CALN1: variants seen among roughly 807,000 people sequenced by gnomAD.
The protein encoded by CALN1 is calneuron 1, also known as calcium-binding protein 8.
A neutral mutation model predicts 30.6 loss-of-function variants in CALN1; 17 were observed. The ratio of observed to expected loss-of-function variants is 0.56; its 90% CI spans 0.38 to 0.83. CALN1 has a LOEUF of 0.83. Among genes scored for constraint, CALN1 ranks in the 40% least tolerant of loss-of-function variants. The pLI, the probability that CALN1 is intolerant of heterozygous loss-of-function variation, is 0.00. For missense variants in CALN1, 291 were observed against 354.9 expected (o/e 0.82, Z 1.45); for synonymous variants, 156 against 131.4 (o/e 1.19, Z -1.28).
chr7:72,321,629 A>G (rs1168875966), intron 2 of CALN1, among the ~76,000 whole-genome samples: 1 of 152,210 alleles, frequency 6.6e-6, no homozygotes, highest in Non-Finnish European at 1.5e-5. Flanking sequence ...GAATTTCATT[A>G]AGCTTCTGTG....
intron 2 of CALN1, among the ~76,000 whole-genome samples, chr7:72,304,641 G>GT (rs760460115): frequency 1.3e-5 from 2 of 151,946 alleles, no homozygotes; most frequent in East Asian, 1.9e-4. Flanking sequence ...CTTATATTTT[G>GT]TTTTTTTATT....
At chr7:72,487,889 GAAAAGAA>G in the CALN1 span, among the ~76,000 whole-genome samples, 1 of 51,942 alleles carries the variant, frequency 1.9e-5, no homozygotes, top group Non-Finnish European at 3.5e-5. Flanking sequence ...AGAAAGAAAA[GAAAAGAA>G]AGAAAGAAAG....
At chr7:71,898,033 G>GAA (rs1180417404) in intron 5 of CALN1, among the ~76,000 whole-genome samples, 1 of 138,172 alleles carries the variant, frequency 7.2e-6, no homozygotes, top group African/African-American at 2.8e-5. Flanking sequence ...GAGAGAGAGA[G>GAA]AGAGAGAATG....
chr7:72,093,574 A>C (rs557753161), intron 4 of CALN1, among the ~76,000 whole-genome samples: 16 of 152,312 alleles, frequency 1.1e-4, no homozygotes, highest in Non-Finnish European at 2.1e-4. Context: ...TATTTAAAGT[A>C]AGGCTTTGGA....
At chr7:72,011,215 T>C (rs532561263) in intron 5 of CALN1, among the ~76,000 whole-genome samples, 10 of 148,366 alleles carry the variant, frequency 6.7e-5, no homozygotes, top group African/African-American at 2.5e-4. Context: ...CATGGCAATA[T>C]AGGAAAAAAC....
At position 71,999,421 on chromosome 7, in the gene CALN1, G is replaced by C. The variant is rs117532398; in HGVS notation, c.501+24236C>G. 8.2e-3 allele frequency among the ~76,000 whole-genome samples: 1,244 copies of C among 152,244 alleles called. 15 individuals are homozygous for C. Among genetic ancestry groups the C allele is most frequent in the Middle Eastern group, 0.037 (11 of 294 alleles). ...CTCAGCAAAGGACAGAACTACTAGG[G>C]AGAACAATCAGTATGTATACAGAGA... On this transcript the variant is annotated intron_variant, in intron 5 of 6. Transcript: ENST00000395275.
At chr7:71,910,960 C>T (rs766478184) in intron 5 of CALN1, among the ~76,000 whole-genome samples, 5 of 152,174 alleles carry the variant, frequency 3.3e-5, no homozygotes, top group African/African-American at 7.2e-5. Context: ...TTGCTAGGTG[C>T]TCTGAGATAT....
At chr7:72,106,125 G>T (rs181847238) in intron 4 of CALN1, 26 bp downstream of exon 4, 2 of 1,610,938 alleles carry the variant, frequency 1.2e-6, no homozygotes, top group Admixed American at 3.3e-5. Flanking sequence ...ATGTCTCAGG[G>T]GAGAAGCTGC....
At chr7:72,182,993 C>T (rs140191260) in intron 3 of CALN1, among the ~76,000 whole-genome samples, 40 of 152,148 alleles carry the variant, frequency 2.6e-4, no homozygotes, top group African/African-American at 8.9e-4. Flanking sequence ...CCAGAAGAAA[C>T]CATCCAGTTG....
intron 5 of CALN1, among the ~76,000 whole-genome samples, chr7:71,811,149 G>A (rs534514010): frequency 3.3e-5 from 5 of 151,024 alleles, no homozygotes; most frequent in Non-Finnish European, 1.5e-5. Context: ...CGCCCGCCTC[G>A]GCCTCCCAAA....
At chr7:72,360,083 G>A (rs1318368549) in intron 2 of CALN1, among the ~76,000 whole-genome samples, 3 of 151,710 alleles carry the variant, frequency 2.0e-5, no homozygotes, top group African/African-American at 4.8e-5. Context: ...ACCTGGCAGC[G>A]AAATAGAATG....
chr7:72,208,666 T>C (rs1032224000), intron 3 of CALN1, among the ~76,000 whole-genome samples: 2 of 152,224 alleles, frequency 1.3e-5, no homozygotes, highest in African/African-American at 4.8e-5. Context: ...GGACTTTTTT[T>C]TAATGGATGT....
chr7:72,058,735 T>C (rs1444842684), intron 4 of CALN1, among the ~76,000 whole-genome samples: 1 of 152,128 alleles, frequency 6.6e-6, no homozygotes, highest in Non-Finnish European at 1.5e-5. Context: ...TGGAGAAGAA[T>C]AACTTCACAA....
intron 5 of CALN1, among the ~76,000 whole-genome samples, chr7:71,839,205 T>G (rs1179033258): frequency 6.6e-6 from 1 of 152,194 alleles, no homozygotes; most frequent in Non-Finnish European, 1.5e-5. Context: ...CTAGATGTGA[T>G]GTCTGGAACT....
At chr7:72,278,008 C>CGGGGGG (rs3032250) in intron 3 of CALN1, among the ~76,000 whole-genome samples, 4 of 49,088 alleles carry the variant, frequency 8.1e-5, no homozygotes, top group African/African-American at 3.1e-4. Context: ...TCCTCTATTC[C>CGGGGGG]GGGGGGGGGG....
intron 5 of CALN1, among the ~76,000 whole-genome samples, chr7:71,891,146 G>A (rs995649544): frequency 2.0e-5 from 3 of 151,762 alleles, no homozygotes; most frequent in Admixed American, 1.3e-4. Flanking sequence ...TATAATATTC[G>A]ACATACAGAT....
intron 1 of CALN1, among the ~76,000 whole-genome samples, chr7:72,446,736 A>G (rs1357696739): frequency 6.6e-6 from 1 of 152,110 alleles, no homozygotes; most frequent in Non-Finnish European, 1.5e-5. Context: ...ATGGTTTTGC[A>G]TGAGCCAGAG....
At chr7:72,386,109 G>C (rs186280463) in intron 2 of CALN1, among the ~76,000 whole-genome samples, 1 of 152,240 alleles carries the variant, frequency 6.6e-6, no homozygotes, top group African/African-American at 2.4e-5. Flanking sequence ...GGTTGAAGAG[G>C]TGGAGCAGAG....
At chr7:72,453,348 C>T in the CALN1 span, among the ~76,000 whole-genome samples, 61 of 152,316 alleles carry the variant, frequency 4.0e-4, no homozygotes, top group Admixed American at 1.3e-3. Flanking sequence ...CATATTTATA[C>T]GCACTTTTAA....
Sources: gnomAD v4.1 joint callset for allele counts (sites outside exome capture counted in the v4.1 genomes callset) on GRCh38, gnomAD v4.1.1 for gene constraint, MANE v1.5 for transcripts, NCBI Gene and HGNC (gene_info 2026-07-23, HGNC 2026-07-21) for gene names.